PPP3CC: variants seen among roughly 807,000 people sequenced by gnomAD.
PPP3CC encodes the protein serine/threonine-protein phosphatase 2B catalytic subunit gamma isoform.
In PPP3CC, 35 loss-of-function variants were observed where a neutral mutation model predicts 60.3. The observed-to-expected ratio is 0.58, with a 90% confidence interval of 0.44 to 0.77. The LOEUF is 0.77. PPP3CC is among the 30% of genes least tolerant of loss of function. The pLI is 0.00. For missense variants in PPP3CC, 570 were observed against 628.9 expected (o/e 0.91, Z 1.00); for synonymous variants, 206 against 224.3 (o/e 0.92, Z 0.73).
At chr8:22,474,009 C>T (rs1160193091) in intron 1 of PPP3CC, among the ~76,000 whole-genome samples, 1 of 152,140 alleles carries the variant, frequency 6.6e-6, no homozygotes, top group Non-Finnish European at 1.5e-5. Flanking sequence ...ATTCTTCTGC[C>T]TCAGCTTCCC....
At chr8:22,450,210 A>G (rs140079208) in intron 1 of PPP3CC, among the ~76,000 whole-genome samples, 2 of 152,298 alleles carry the variant, frequency 1.3e-5, no homozygotes, top group African/African-American at 4.8e-5. Context: ...ATAGACTTAT[A>G]AACCTATTCT....
At chr8:22,514,203 G>T (rs1839173567) in intron 6 of PPP3CC, among the ~76,000 whole-genome samples, 1 of 136,540 alleles carries the variant, frequency 7.3e-6, no homozygotes, top group Non-Finnish European at 1.5e-5. Flanking sequence ...AGCCAAGATT[G>T]TGCCACTACA....
chr8:22,532,186 C>T (rs752010715), intron 10 of PPP3CC, 39 bp from the exon 11 acceptor site: 8 of 1,477,706 alleles, frequency 5.4e-6, no homozygotes, highest in Non-Finnish European at 6.6e-6. Context: ...AGCCTATTAA[C>T]ACATCCCTTT....
At chr8:22,506,106 G>T (rs1838909330) in intron 4 of PPP3CC, among the ~76,000 whole-genome samples, 1 of 151,948 alleles carries the variant, frequency 6.6e-6, no homozygotes, top group Non-Finnish European at 1.5e-5. Context: ...TTCTGGGAGG[G>T]CATCTTTCAA....
At chr8:22,511,420 C>T (rs553360423) in intron 5 of PPP3CC, among the ~76,000 whole-genome samples, 189 bp downstream of exon 5, 162 of 152,196 alleles carry the variant, frequency 1.1e-3, no homozygotes, top group African/African-American at 3.6e-3. Flanking sequence ...CAGGTGCACA[C>T]CACCACACCT....
intron 13 of PPP3CC, among the ~76,000 whole-genome samples, chr8:22,540,250 G>T (rs1310184526): frequency 6.6e-6 from 1 of 152,122 alleles, no homozygotes; most frequent in African/African-American, 2.4e-5. Context: ...AATTATTCTA[G>T]TGTTGCCTTT....
At chr8:22,448,144 G>A (rs777657686) in intron 1 of PPP3CC, among the ~76,000 whole-genome samples, 3 of 152,200 alleles carry the variant, frequency 2.0e-5, no homozygotes, top group Non-Finnish European at 4.4e-5. Flanking sequence ...AATCCAGTTT[G>A]TGGGACTTTC....
intron 8 of PPP3CC, among the ~76,000 whole-genome samples, chr8:22,525,506 C>CTTTCTTTCTTTCTTTT (rs1839524037): frequency 2.3e-5 from 2 of 88,264 alleles, no homozygotes; most frequent in Admixed American, 2.4e-4. Context: ...TTCTTTCTTT[C>CTTTCTTTCTTTCTTTT]TTTCTTTCTT....
chr8:22,522,043 A>T (rs1839420224), intron 6 of PPP3CC, among the ~76,000 whole-genome samples: 1 of 151,636 alleles, frequency 6.6e-6, no homozygotes, highest in South Asian at 2.1e-4. Flanking sequence ...TGTTTATATT[A>T]CCTGTGAAGC....
At chr8:22,515,463 A>C (rs927860132) in intron 6 of PPP3CC, among the ~76,000 whole-genome samples, 3 of 152,176 alleles carry the variant, frequency 2.0e-5, no homozygotes, top group Non-Finnish European at 2.9e-5. Flanking sequence ...CAATATACTG[A>C]TTTCCTTTCT....
intron 6 of PPP3CC, among the ~76,000 whole-genome samples, chr8:22,522,206 G>A (rs867915366): frequency 3.3e-5 from 5 of 151,850 alleles, no homozygotes; most frequent in Middle Eastern, 3.2e-3. Context: ...AAAAGTTTTG[G>A]TGTTGTATTG....
intron 4 of PPP3CC, among the ~76,000 whole-genome samples, chr8:22,499,301 C>T (rs1307502745): frequency 2.0e-5 from 3 of 149,226 alleles, no homozygotes; most frequent in South Asian, 2.1e-4. Context: ...TAGCCGGGCG[C>T]GGTGGCGGGC....
intron 4 of PPP3CC, among the ~76,000 whole-genome samples, chr8:22,508,359 C>A (rs1838987055): frequency 6.6e-6 from 1 of 151,990 alleles, no homozygotes; most frequent in Non-Finnish European, 1.5e-5. Context: ...AATATAGATA[C>A]CATTGTCAGT....
At chr8:22,466,440 T>C (rs970362879) in intron 1 of PPP3CC, among the ~76,000 whole-genome samples, 3 of 152,238 alleles carry the variant, frequency 2.0e-5, no homozygotes, top group Non-Finnish European at 4.4e-5. Flanking sequence ...TGAACTGATT[T>C]ACACACCCAC....
chr8:22,470,513 T>TA (rs920500740), intron 1 of PPP3CC, among the ~76,000 whole-genome samples: 2 of 152,134 alleles, frequency 1.3e-5, no homozygotes, highest in African/African-American at 2.4e-5. Flanking sequence ...AAAAAGGCTT[T>TA]ACATCTGATA....
At chr8:22,450,663 A>C (rs1053620330) in intron 1 of PPP3CC, among the ~76,000 whole-genome samples, 7 of 152,320 alleles carry the variant, frequency 4.6e-5, no homozygotes, top group African/African-American at 1.7e-4. Context: ...CTTGTGCTCA[A>C]AATCCTTCAT....
intron 4 of PPP3CC, among the ~76,000 whole-genome samples, chr8:22,499,951 G>T (rs752740366): frequency 6.6e-6 from 1 of 152,140 alleles, no homozygotes; most frequent in African/African-American, 2.4e-5. Context: ...GCTAGCAGGG[G>T]TGTGTTTTGT....
intron 1 of PPP3CC, among the ~76,000 whole-genome samples, chr8:22,464,318 G>A (rs57607208): frequency 0.053 from 8,139 of 152,192 alleles, 694 homozygotes; most frequent in African/African-American, 0.18. Context: ...GTTTTACCTA[G>A]TGGCCATTTA....
intron 1 of PPP3CC, among the ~76,000 whole-genome samples, chr8:22,449,302 A>G (rs1197035523): frequency 6.6e-6 from 1 of 151,860 alleles, no homozygotes; most frequent in Non-Finnish European, 1.5e-5. Flanking sequence ...ATAAAAAATT[A>G]GCCAGGTGTG....
Sources: allele counts gnomAD v4.1 joint callset (sites outside exome capture counted in the v4.1 genomes callset), GRCh38; gene constraint gnomAD v4.1.1; transcripts MANE v1.5; gene names NCBI Gene and HGNC (gene_info 2026-07-23, HGNC 2026-07-21).